Variants in NTNG1 observed in about 807,000 individuals in gnomAD.
The protein encoded by NTNG1 is netrin G1.
In NTNG1, 16 loss-of-function variants were observed where a neutral mutation model predicts 54.0. That is an observed-to-expected ratio of 0.30 (90% CI 0.20 to 0.45). The LOEUF is 0.45. NTNG1 is among the 20% of genes least tolerant of loss of function. The pLI, the probability that NTNG1 is intolerant of heterozygous loss-of-function variation, is 1.00. For missense variants in NTNG1, 530 were observed against 678.7 expected (o/e 0.78, Z 2.43); for synonymous variants, 255 against 263.1 (o/e 0.97, Z 0.30).
At chr1:107,181,196 G>T (rs893613586) in intron 2 of NTNG1, among the ~76,000 whole-genome samples, 6 of 152,172 alleles carry the variant, frequency 3.9e-5, no homozygotes, top group African/African-American at 1.2e-4. Context: ...GTGATATTTT[G>T]TTATGCAAGG....
At chr1:107,429,728 T>C (rs1337682230) in intron 5 of NTNG1, among the ~76,000 whole-genome samples, 1 of 152,168 alleles carries the variant, frequency 6.6e-6, no homozygotes, top group East Asian at 1.9e-4. Context: ...ACAAAACAGA[T>C]ACCCCACCTA....
chr1:107,165,913 A>G (rs1293332617), intron 2 of NTNG1, among the ~76,000 whole-genome samples: 1 of 152,152 alleles, frequency 6.6e-6, no homozygotes, highest in African/African-American at 2.4e-5. Context: ...TGTGTTCCCT[A>G]AGTGTTCTCT....
In NTNG1 at chr1:107,222,769, T is replaced by C. The variant is rs907342924; in HGVS notation, c.246+73930T>C. ...TAGTGGGCAGTCTTTAACTCAGGCC[T>C]GAGCCTAGAGAAAGGGAAGACCAGT... is the stretch of plus-strand genomic sequence containing the variant. On this transcript the variant is annotated intron_variant, in intron 2 of 7. Coordinates refer to ENST00000370068, the MANE Select transcript of NTNG1 (RefSeq NM_001113226.3). Among the ~76,000 whole-genome samples the C allele has an allele frequency of 4.0e-5, 6 of 150,304 alleles. No homozygotes were observed. In the East Asian group the frequency reaches 1.2e-3, roughly 30 times the overall value.
chr1:107,317,324 C>T (rs1034776206), intron 2 of NTNG1, among the ~76,000 whole-genome samples: 1 of 152,052 alleles, frequency 6.6e-6, no homozygotes, highest in Non-Finnish European at 1.5e-5. Context: ...TAATTCAAGA[C>T]CATCTATAAG....
At chr1:107,360,537 G>T (rs1036504081) in intron 3 of NTNG1, among the ~76,000 whole-genome samples, 1 of 152,138 alleles carries the variant, frequency 6.6e-6, no homozygotes. Flanking sequence ...GGAAGCCACT[G>T]GAAGATTTTC....
At chr1:107,417,134 T>C (rs1405731382) in intron 5 of NTNG1, among the ~76,000 whole-genome samples, 1 of 152,126 alleles carries the variant, frequency 6.6e-6, no homozygotes, top group African/African-American at 2.4e-5. Flanking sequence ...TTCAGTCAAT[T>C]GACTTACATA....
intron 2 of NTNG1, among the ~76,000 whole-genome samples, chr1:107,241,895 G>A (rs1661855077): frequency 6.6e-6 from 1 of 152,098 alleles, no homozygotes; most frequent in Non-Finnish European, 1.5e-5. Context: ...ACTTAAAAGA[G>A]TTGTGACCTC....
At chr1:107,476,086 C>T (rs1391381029) in intron 7 of NTNG1, among the ~76,000 whole-genome samples, 1 of 152,206 alleles carries the variant, frequency 6.6e-6, no homozygotes, top group African/African-American at 2.4e-5. Flanking sequence ...ATTTGTCCAA[C>T]TCAAAGTGCC....
At chr1:107,437,490 C>T (rs542362526) in intron 7 of NTNG1, among the ~76,000 whole-genome samples, 13 of 152,182 alleles carry the variant, frequency 8.5e-5, no homozygotes, top group African/African-American at 1.9e-4. Flanking sequence ...AGGTTCCTTC[C>T]GTCTTTTATA....
chr1:107,284,377 A>C (rs1432234690), intron 2 of NTNG1, among the ~76,000 whole-genome samples: 1 of 152,128 alleles, frequency 6.6e-6, no homozygotes, highest in East Asian at 1.9e-4. Flanking sequence ...CAAGAAAATA[A>C]TTTACCTAAA....
chr1:107,429,133 A>G (rs1485369451), intron 5 of NTNG1, among the ~76,000 whole-genome samples: 1 of 152,096 alleles, frequency 6.6e-6, no homozygotes, highest in Non-Finnish European at 1.5e-5. Flanking sequence ...TGGCTTCAGC[A>G]TCCCCCCTTT....
intron 3 of NTNG1, among the ~76,000 whole-genome samples, chr1:107,366,674 A>G (rs1251792194): frequency 6.6e-6 from 1 of 152,260 alleles, no homozygotes; most frequent in Non-Finnish European, 1.5e-5. Flanking sequence ...TACTAGGACA[A>G]AATGAAATCT....
At chr1:107,291,522 T>C (rs1430742262) in intron 2 of NTNG1, among the ~76,000 whole-genome samples, 1 of 152,170 alleles carries the variant, frequency 6.6e-6, no homozygotes, top group Non-Finnish European at 1.5e-5. Context: ...TGTATGTGTG[T>C]ACGTGTGTGT....
At chr1:107,406,279 T>G (rs1271313310) in intron 4 of NTNG1, among the ~76,000 whole-genome samples, 1 of 152,182 alleles carries the variant, frequency 6.6e-6, no homozygotes, top group Non-Finnish European at 1.5e-5. Context: ...AAACAAGGGC[T>G]GTTGTTCAAA....
intron 3 of NTNG1, among the ~76,000 whole-genome samples, chr1:107,381,348 TAAAAAAAA>T (rs10598493): frequency 3.7e-4 from 19 of 51,658 alleles, no homozygotes; most frequent in African/African-American, 2.9e-4. Flanking sequence ...TCTCTTTAAC[TAAAAAAAA>T]AAAAAAAAAA....
Position 107,167,992 on chromosome 1 carries a change from T to C in NTNG1, c.246+19153T>C, listed in dbSNP as rs376855657. On this transcript the variant is annotated intron_variant, in intron 2 of 7. Coordinates refer to ENST00000370068, the MANE Select transcript of NTNG1 (RefSeq NM_001113226.3). ...TCTGGGCACTACAGGATGGAAGGCA[T>C]TGGGCTATTGACAAATTGATACCAG... Among the ~76,000 whole-genome samples, 9 of 152,046 alleles carry C rather than the reference T, an allele frequency of 5.9e-5. No individual in the cohort carries two copies. The South Asian group carries it at 8.3e-4, about 14-fold the overall frequency.
chr1:107,238,938 C>T (rs919746748), intron 2 of NTNG1, among the ~76,000 whole-genome samples: 8 of 151,950 alleles, frequency 5.3e-5, no homozygotes, highest in African/African-American at 4.8e-5. Context: ...GCCCATACAC[C>T]TAGGAAGCTA....
At chr1:107,429,152 C>T (rs899566864) in intron 5 of NTNG1, among the ~76,000 whole-genome samples, 1 of 151,854 alleles carries the variant, frequency 6.6e-6, no homozygotes, top group South Asian at 2.1e-4. Flanking sequence ...TTCTTCTTGC[C>T]TCTCTTTTAG....
At chr1:107,232,638 T>C (rs1019556304) in intron 2 of NTNG1, among the ~76,000 whole-genome samples, 15 of 152,234 alleles carry the variant, frequency 9.9e-5, no homozygotes, top group Middle Eastern at 3.2e-3. Flanking sequence ...CTTGAGATAT[T>C]ATATTTGTAT....
Sources: gnomAD v4.1 joint callset for allele counts (sites outside exome capture counted in the v4.1 genomes callset) on GRCh38, gnomAD v4.1.1 for gene constraint, MANE v1.5 for transcripts, NCBI Gene and HGNC (gene_info 2026-07-23, HGNC 2026-07-21) for gene names.